The following TRMT44 variants were observed in gnomAD, a reference collection of about 807,000 sequenced individuals.
The protein encoded by TRMT44 is tRNA methyltransferase 44 homolog.
A neutral mutation model predicts 77.3 loss-of-function variants in TRMT44; 78 were observed. That is an observed-to-expected ratio of 1.01 (90% confidence interval 0.84 to 1.22). The LOEUF (loss-of-function observed/expected upper bound fraction) is 1.22. TRMT44 is among the 50% of genes most tolerant of loss of function. The pLI is 0.00. For synonymous variants in TRMT44, 391 were observed against 383.3 expected (o/e 1.02, Z -0.23); for missense variants, 1,090 against 964.4 (o/e 1.13, Z -1.73).
At position 8,476,328 on chromosome 4, in the gene TRMT44, C is replaced by T; in HGVS notation, c.*327C>T. ...GCGGCTGAGGCTGCCTTGCACAGGC[C>T]CTTCCCAGGGCGCTGTCCGACGCCT... On this transcript the variant is annotated 3_prime_UTR_variant, in exon 11 of 11. Transcript: ENST00000389737. 1 of 361,784 alleles carries T rather than the reference C, an allele frequency of 2.8e-6. No individual in the cohort carries two copies. Among genetic ancestry groups the T allele is most frequent in the South Asian group, 3.2e-5 (1 of 30,796 alleles). 22.4% of individuals were successfully genotyped at this position (361,784 alleles called of 1,614,324 possible).
intron 2 of TRMT44, among the ~76,000 whole-genome samples, chr4:8,482,854 TTATAA>T (rs554169776): frequency 0.011 from 1,527 of 144,442 alleles, 30 homozygotes; most frequent in African/African-American, 0.037. Flanking sequence ...TCCTGCCTTC[TTATAA>T]TAATAAGAAA....
downstream of TRMT44, among the ~76,000 whole-genome samples, chr4:8,495,069 T>G (rs1474002309): frequency 6.6e-6 from 1 of 152,234 alleles, no homozygotes; most frequent in Non-Finnish European, 1.5e-5. Flanking sequence ...CATGGCTGTT[T>G]GGAACCACCT....
the TRMT44 span, among the ~76,000 whole-genome samples, chr4:8,508,386 G>A: frequency 6.6e-6 from 1 of 152,216 alleles, no homozygotes; most frequent in African/African-American, 2.4e-5. Context: ...GGTGCCATGG[G>A]TTGTGTCTGT....
chr4:8,482,008 C>T (rs988832425), intron 2 of TRMT44, among the ~76,000 whole-genome samples: 1 of 152,224 alleles, frequency 6.6e-6, no homozygotes, highest in Non-Finnish European at 1.5e-5. Context: ...TGAAAGAAAG[C>T]CTTCCGTGTT....
At chr4:8,472,477 C>T (rs1265644524) in intron 10 of TRMT44, among the ~76,000 whole-genome samples, 1 of 152,228 alleles carries the variant, frequency 6.6e-6, no homozygotes, top group Admixed American at 6.5e-5. Flanking sequence ...CCGTGGGGAT[C>T]AGGTGCAGTA....
chr4:8,507,645 A>C, the TRMT44 span: 2 of 152,378 alleles, frequency 1.3e-5, no homozygotes, highest in African/African-American at 2.4e-5. Context: ...CTTGCATCCA[A>C]AAAGTGTTCA....
At chr4:8,493,688 G>A (rs1378943178), downstream of TRMT44, among the ~76,000 whole-genome samples, 1 of 152,064 alleles carries the variant, frequency 6.6e-6, no homozygotes, top group South Asian at 2.1e-4. Context: ...TCGACTTTCC[G>A]TTAGTCACCT....
intron 2 of TRMT44, among the ~76,000 whole-genome samples, chr4:8,486,382 A>C (rs377070265): frequency 1.9e-4 from 29 of 152,310 alleles, no homozygotes; most frequent in African/African-American, 6.7e-4. Flanking sequence ...ATATGTTGCT[A>C]CTTGGCTGCC....
chr4:8,468,478 G>A, intron 9 of TRMT44, 132 bp downstream of exon 9: 2 of 876,064 alleles, frequency 2.3e-6, no homozygotes. Flanking sequence ...TTGATGGTGG[G>A]TGCATAGGCT....
chr4:8,500,061 T>C, the TRMT44 span, among the ~76,000 whole-genome samples: 1 of 152,076 alleles, frequency 6.6e-6, no homozygotes, highest in Admixed American at 6.5e-5. Flanking sequence ...AGACCCTGTT[T>C]CTATGAAAAA....
exon 3 of TRMT44, chr4:8,493,402 A>C (rs527419736): frequency 1.3e-5 from 2 of 152,264 alleles, no homozygotes; most frequent in East Asian, 1.9e-4. Context: ...GGACCCGACC[A>C]ATCAGCACTC....
chr4:8,470,535 T>G (rs1201055173), intron 9 of TRMT44, among the ~76,000 whole-genome samples: 1 of 152,256 alleles, frequency 6.6e-6, no homozygotes, highest in Non-Finnish European at 1.5e-5. Context: ...TTGAAATACC[T>G]GCAGGCTCTC....
At chr4:8,474,837 G>A (rs563040868) in intron 10 of TRMT44, among the ~76,000 whole-genome samples, 2 of 152,268 alleles carry the variant, frequency 1.3e-5, no homozygotes, top group South Asian at 2.1e-4. Flanking sequence ...CCCAATTTGG[G>A]CGGCGGGGTC....
At position 8,452,379 on chromosome 4, in the gene TRMT44, T is replaced by C. The variant is rs762659455; in HGVS notation, c.1023+351T>C. ...CTAGCCCTTTCCTCAGCTGGCTCGC[T>C]AGCTGGCTACATTTGGACATGCCCT... On this transcript the variant is annotated intron_variant, in intron 4 of 10. Coordinates refer to ENST00000389737, the MANE Select transcript of TRMT44 (RefSeq NM_152544.3). The surrounding 1 kb of genome is among the most constrained non-coding windows in gnomAD (Gnocchi z 5.7). Among the ~76,000 whole-genome samples, 4 of 152,260 alleles carry C rather than the reference T, an allele frequency of 2.6e-5. No individual in the cohort carries two copies. Among genetic ancestry groups the C allele is most frequent in the Non-Finnish European group, 5.9e-5 (4 of 68,046 alleles).
At position 8,483,657 on chromosome 4, in the gene TRMT44, A is replaced by G. The variant is rs1287082224; in HGVS notation, n.3891+4124A>G. Among the ~76,000 whole-genome samples the G allele has an allele frequency of 8.5e-5, 13 of 152,230 alleles. No homozygotes were observed. In the East Asian group the frequency reaches 2.3e-3, roughly 27 times the overall value. ...TGTTCTACTTTTCCTGAAGACTGAG[A>G]ACTGTAAGGGATATAAAGGTTTCAC... On this transcript the variant is annotated intron_variant and non_coding_transcript_variant, in intron 2 of 2. Transcript: ENST00000511366.
chr4:8,441,193 C>T lies in TRMT44; in HGVS notation c.371C>T (p.Ser124Phe). Residue 124 changes from serine (S) to phenylalanine (F), a missense_variant, in exon 1 of 11, where the codon TCC becomes TTC. By Grantham distance (155) the Ser-to-Phe change is radical. Coordinates refer to ENST00000389737, the MANE Select transcript of TRMT44 (RefSeq NM_152544.3). ...GCCGCCTCAGTGCCCCTGAGGGACT[C>T]CGGGCACCCCGGCCATGCTGAAGGA... ...REAASVPLRD[S>F]GHPGHAEGRE... The T allele has an allele frequency of 6.5e-7, 1 of 1,534,712 alleles. No individual in the cohort carries two copies. Among genetic ancestry groups the T allele is most frequent in the South Asian group, 1.2e-5 (1 of 83,718 alleles).
rs1257996057 is a variant in TRMT44, at chr4:8,461,928, G to A, written c.1204-2057G>A. On this transcript the variant is annotated intron_variant, in intron 6 of 10. Transcript: ENST00000389737. The surrounding 1 kb of genome is among the most constrained non-coding windows in gnomAD (Gnocchi z 4.6). ...TACAATCTAGAAAGTCAAAGGCCAG[G>A]CGTAGAATATAACTTTTTTTCTTTC... 6.6e-6 allele frequency among the ~76,000 whole-genome samples: 1 copy of A among 152,134 alleles called. No individual in the cohort carries two copies. The highest frequency in any genetic ancestry group is 2.4e-5 in the African/African-American group (1 of 41,420).
the TRMT44 span, chr4:8,510,781 A>G: frequency 6.5e-6 from 1 of 152,702 alleles, no homozygotes; most frequent in South Asian, 2.1e-4. Flanking sequence ...GCTCTAGCAC[A>G]TGGAGGCCAA....
chr4:8,459,184 G>A (rs1474727650), intron 6 of TRMT44, among the ~76,000 whole-genome samples: 2 of 152,136 alleles, frequency 1.3e-5, no homozygotes, highest in African/African-American at 2.4e-5. Flanking sequence ...CCTGGGCGAC[G>A]CAAGTGAGAC....
Sources: allele counts gnomAD v4.1 joint callset (sites outside exome capture counted in the v4.1 genomes callset), GRCh38; gene constraint gnomAD v4.1.1; non-coding constraint Gnocchi (gnomAD v3.1); transcripts MANE v1.5; gene names NCBI Gene and HGNC (gene_info 2026-07-23, HGNC 2026-07-21).